The following SERPINB8 variants were observed in gnomAD, a reference collection of about 807,000 sequenced individuals.
SERPINB8 encodes serpin family B member 8, also known as serpin B8.
A neutral mutation model predicts 35.3 loss-of-function variants in SERPINB8; 25 were observed. That is an observed-to-expected ratio of 0.71 (90% confidence interval 0.52 to 0.99). The LOEUF (loss-of-function observed/expected upper bound fraction) is 0.99, where lower values mean the gene tolerates loss of function less well. Ranked by LOEUF, SERPINB8 falls within the 50% of genes least tolerant of loss-of-function variation. The probability of loss-of-function intolerance (pLI) is 0.00; values close to 1 mark genes in which losing one functional copy is unlikely to be tolerated. For synonymous variants in SERPINB8, 186 were observed against 160.8 expected (o/e 1.16, Z -1.19); for missense variants, 484 against 446.5 (o/e 1.08, Z -0.76).
intron 6 of SERPINB8, chr18:63,986,410 C>A: frequency 6.6e-7 from 1 of 1,504,080 alleles, no homozygotes. Context: ...ACAATTCCCT[C>A]TCTTTTACTC....
chr18:63,979,893 A>G lies in SERPINB8; in HGVS notation c.261A>G (p.Arg87=). The part of the protein sequence containing the change: ...VNRTGTQYLL[R]TANRLFGEKT... ...GAACTGGCACTCAGTACTTGCTTAG[A>G]ACTGCCAACAGACTCTTTGGAGAAA... The change falls in exon 3 of 7, where the codon AGA becomes AGG. Residue 87 remains arginine, a synonymous_variant. Coordinates refer to ENST00000397985, the MANE Select transcript of SERPINB8 (RefSeq NM_002640.4). 6.2e-7 allele frequency: 1 copy of G among 1,614,138 alleles called. No individual in the cohort carries two copies. Among genetic ancestry groups the G allele is most frequent in the Non-Finnish European group, 8.5e-7 (1 of 1,179,974 alleles).
At chr18:64,006,424 G>A (rs62097538), downstream of SERPINB8, among the ~76,000 whole-genome samples, 1,455 of 152,214 alleles carry the variant, frequency 9.6e-3, 43 homozygotes, top group East Asian at 0.12. Context: ...CCCTCATGTG[G>A]GATTAATGCC....
intron 1 of SERPINB8, among the ~76,000 whole-genome samples, chr18:63,976,903 A>C (rs1030971910): frequency 1.3e-5 from 2 of 151,754 alleles, no homozygotes; most frequent in Admixed American, 1.3e-4. Flanking sequence ...TCACTTTAAA[A>C]AGTAATTTTT....
chr18:63,977,397 G>A (rs925642728), intron 1 of SERPINB8, among the ~76,000 whole-genome samples: 1 of 151,932 alleles, frequency 6.6e-6, no homozygotes, highest in East Asian at 1.9e-4. Context: ...CGTGATCTCG[G>A]CTCTCTGCAG....
chr18:63,973,391 G>A (rs1186087879), intron 1 of SERPINB8, among the ~76,000 whole-genome samples: 1 of 152,022 alleles, frequency 6.6e-6, no homozygotes, highest in African/African-American at 2.4e-5. Flanking sequence ...CTGGATATTA[G>A]CCCTTTGTCA....
At chr18:64,003,036 C>T (rs1343948037) in intron 1 of SERPINB8, among the ~76,000 whole-genome samples, 2 of 152,226 alleles carry the variant, frequency 1.3e-5, no homozygotes, top group Non-Finnish European at 2.9e-5. Context: ...TCCATCTCCT[C>T]TCCTCGCATT....
At chr18:63,974,945 A>C (rs1295460987) in intron 1 of SERPINB8, among the ~76,000 whole-genome samples, 1 of 152,166 alleles carries the variant, frequency 6.6e-6, no homozygotes, top group Non-Finnish European at 1.5e-5. Context: ...AAGGAATGGA[A>C]GTGGGGACAT....
At chr18:64,004,854 T>C in exon 2 of SERPINB8, 2 of 398,536 alleles carry the variant, frequency 5.0e-6, no homozygotes, top group East Asian at 7.1e-5. Flanking sequence ...TCTGTGACAT[T>C]CTTGCCAACA....
At chr18:64,008,885 C>T (rs543121998), downstream of SERPINB8, among the ~76,000 whole-genome samples, 3 of 152,242 alleles carry the variant, frequency 2.0e-5, no homozygotes, top group South Asian at 6.2e-4. Context: ...CCTCTCAGTG[C>T]TTCAGTCTCC....
intron 7 of SERPINB8, among the ~76,000 whole-genome samples, chr18:64,017,300 C>A (rs920091744): frequency 6.6e-6 from 1 of 152,076 alleles, no homozygotes; most frequent in Non-Finnish European, 1.5e-5. Flanking sequence ...TATATGAATT[C>A]TAGTGTAATT....
intron 7 of SERPINB8, among the ~76,000 whole-genome samples, chr18:64,014,378 C>T (rs2050939953): frequency 6.6e-6 from 1 of 152,064 alleles, no homozygotes; most frequent in Non-Finnish European, 1.5e-5. Flanking sequence ...CCATTTTGAA[C>T]CTGTTACAAT....
rs902229654 is a variant in SERPINB8, at chr18:63,986,811, T to C, written c.721-63T>C. The C allele has an allele frequency of 9.5e-6, 14 of 1,469,872 alleles. No individual in the cohort carries two copies. The African/African-American group carries it at 1.7e-4, about 18-fold the overall frequency. The allele number at this position is 1,469,872 out of a possible 1,614,324, so 91.1% of individuals were successfully genotyped here. On this transcript the variant is annotated intron_variant, in intron 6 of 6. Transcript: ENST00000397985. ...ATGTCATTGGGGGAGGGGTAATAAA[T>C]GGGTGTGTGGGTATCAGGCTATTGT...
chr18:64,002,830 C>T (rs1159676242), intron 1 of SERPINB8, among the ~76,000 whole-genome samples: 1 of 152,278 alleles, frequency 6.6e-6, no homozygotes, highest in Non-Finnish European at 1.5e-5. Flanking sequence ...CGTGCCCCAC[C>T]GCCGCCTGCA....
intron 6 of SERPINB8, chr18:63,986,124 C>A: frequency 1.3e-6 from 1 of 784,136 alleles, no homozygotes; most frequent in Non-Finnish European, 2.1e-6. Flanking sequence ...TTAGGAGAGT[C>A]TAGAAATAGA....
intron 1 of SERPINB8, among the ~76,000 whole-genome samples, chr18:64,003,648 TGGA>T (rs1215821403): frequency 3.3e-5 from 5 of 151,902 alleles, no homozygotes; most frequent in African/African-American, 1.2e-4. Context: ...AGAAAGCTGG[TGGA>T]GTAGTTCCAG....
intron 1 of SERPINB8, among the ~76,000 whole-genome samples, chr18:63,974,115 T>C (rs914975852): frequency 1.2e-4 from 18 of 152,240 alleles, no homozygotes; most frequent in Non-Finnish European, 2.5e-4. Context: ...GGAAAGTCTT[T>C]CCAGGATTCT....
At chr18:63,971,351 C>G (rs1568265353) in intron 1 of SERPINB8, among the ~76,000 whole-genome samples, 1 of 152,246 alleles carries the variant, frequency 6.6e-6, no homozygotes, top group South Asian at 2.1e-4. Flanking sequence ...TCTAGACAGT[C>G]TACTCATCCC....
intron 1 of SERPINB8, among the ~76,000 whole-genome samples, chr18:63,975,121 A>C (rs556779019): frequency 1.3e-5 from 2 of 151,984 alleles, no homozygotes; most frequent in South Asian, 4.1e-4. Context: ...CTACACACAC[A>C]CACACACACA....
intron 1 of SERPINB8, among the ~76,000 whole-genome samples, chr18:63,975,254 A>C (rs554234778): frequency 1.8e-4 from 27 of 152,064 alleles, no homozygotes; most frequent in African/African-American, 5.8e-4. Context: ...AATTCTCTCC[A>C]TCTTTAAGTT....
Sources: allele counts gnomAD v4.1 joint callset (sites outside exome capture counted in the v4.1 genomes callset), GRCh38; gene constraint gnomAD v4.1.1; transcripts MANE v1.5; gene names NCBI Gene and HGNC (gene_info 2026-07-23, HGNC 2026-07-21).